SLC25A48: variants seen among roughly 807,000 people sequenced by gnomAD.
The protein encoded by SLC25A48 is solute carrier family 25 member 48.
Under a neutral mutation model 32.2 loss-of-function variants are expected in SLC25A48, and 29 were observed. The ratio of observed to expected loss-of-function variants is 0.90; its 90% CI spans 0.67 to 1.23. The LOEUF is 1.23. Among genes scored for constraint, SLC25A48 ranks in the 50% most tolerant of loss-of-function variants. The pLI is 0.00. For missense variants in SLC25A48, 399 were observed against 422.7 expected (o/e 0.94, Z 0.49); for synonymous variants, 164 against 172.3 (o/e 0.95, Z 0.38).
chr5:135,696,153 A>C (rs921366250), intron 3 of SLC25A48, among the ~76,000 whole-genome samples: 11 of 152,234 alleles, frequency 7.2e-5, no homozygotes, highest in Admixed American at 7.2e-4. Flanking sequence ...AGTATCAAAT[A>C]TCTGGGAATG....
At chr5:135,871,991 T>C in intron 5 of SLC25A48, 1 of 1,331,300 alleles carries the variant, frequency 7.5e-7, no homozygotes, top group Non-Finnish European at 9.7e-7. Flanking sequence ...ATTACTAAGC[T>C]TTGGAAAGGA....
intron 1 of SLC25A48, among the ~76,000 whole-genome samples, chr5:135,840,210 T>C (rs1034821386): frequency 2.0e-5 from 3 of 152,196 alleles, no homozygotes; most frequent in African/African-American, 7.2e-5. Flanking sequence ...TCACTCACAT[T>C]TGAGCATCCT....
At chr5:135,683,268 T>C (rs1246894083) in intron 3 of SLC25A48, among the ~76,000 whole-genome samples, 2 of 152,328 alleles carry the variant, frequency 1.3e-5, no homozygotes, top group East Asian at 3.9e-4. Flanking sequence ...AGGAGAACTC[T>C]AATATATGGA....
At chr5:135,824,489 A>C (rs1439364099) in intron 4 of SLC25A48, 1 of 152,292 alleles carries the variant, frequency 6.6e-6, no homozygotes, top group African/African-American at 2.4e-5. Context: ...TGTCCTCCCA[A>C]CAGCAGGCCA....
intron 1 of SLC25A48, among the ~76,000 whole-genome samples, chr5:135,612,403 T>C (rs1237090480): frequency 3.3e-5 from 5 of 152,222 alleles, no homozygotes; most frequent in Admixed American, 6.5e-5. Context: ...TTTCAAGTTC[T>C]CTTTTCCAGT....
chr5:135,784,139 A>G (rs1756783108), intron 3 of SLC25A48, among the ~76,000 whole-genome samples: 1 of 117,168 alleles, frequency 8.5e-6, no homozygotes, highest in South Asian at 3.0e-4. Flanking sequence ...TATTACTCCC[A>G]ATATCCAGGG....
At chr5:135,652,347 C>G in intron 3 of SLC25A48, 2 of 455,322 alleles carry the variant, frequency 4.4e-6, no homozygotes, top group Non-Finnish European at 8.8e-6. Context: ...TTCTAGAAAT[C>G]GACTTACCTT....
intron 3 of SLC25A48, among the ~76,000 whole-genome samples, chr5:135,668,336 T>C (rs565403513): frequency 5.9e-5 from 9 of 152,146 alleles, no homozygotes; most frequent in Non-Finnish European, 8.8e-5. Context: ...TAACCTTATA[T>C]CCATAAAATA....
intron 6 of SLC25A48, chr5:135,874,562 T>C: frequency 1.7e-6 from 1 of 594,170 alleles, no homozygotes; most frequent in South Asian, 2.0e-5. Flanking sequence ...CTTGCCTCCT[T>C]CCTGTCCTCA....
At chr5:135,600,681 T>A (rs1178533127) in intron 1 of SLC25A48, among the ~76,000 whole-genome samples, 2 of 119,252 alleles carry the variant, frequency 1.7e-5, no homozygotes, top group Non-Finnish European at 3.5e-5. Context: ...TTTTTCTTTT[T>A]TATTTATTTA....
chr5:135,785,644 G>T (rs62364665), intron 3 of SLC25A48, among the ~76,000 whole-genome samples: 21,573 of 150,550 alleles, frequency 0.14, 1,777 homozygotes, highest in South Asian at 0.2. Flanking sequence ...AAAAGAGAGG[G>T]TGATAATGCT....
rs2126898823 is a variant in SLC25A48 at position 135,621,128 on chromosome 5, C to G, written c.-848-8109C>G. ...TGTGACAAACAGGGCTGCATGCTGC[C>G]AAGAGGAAAAGTGCTATAGTTAACT... On this transcript the variant is annotated intron_variant, in intron 1 of 10. Transcript: ENST00000646290. Among the ~76,000 whole-genome samples, 3 of 152,270 alleles carry G rather than the reference C, an allele frequency of 2.0e-5. No homozygotes were observed. In the South Asian group the frequency reaches 6.2e-4, roughly 32 times the overall value.
chr5:135,785,556 G>T (rs746244324), intron 3 of SLC25A48, among the ~76,000 whole-genome samples: 2 of 151,172 alleles, frequency 1.3e-5, no homozygotes, highest in East Asian at 3.9e-4. Context: ...TAATATCCAG[G>T]GGGGGAGAGG....
intron 4 of SLC25A48, among the ~76,000 whole-genome samples, chr5:135,864,946 G>A (rs974313966): frequency 1.4e-4 from 21 of 152,246 alleles, no homozygotes; most frequent in African/African-American, 5.1e-4. Context: ...CCTGCAGTTG[G>A]CAGGTCTGGC....
intron 3 of SLC25A48, among the ~76,000 whole-genome samples, chr5:135,744,911 G>A (rs371359688): frequency 1.4e-4 from 21 of 152,102 alleles, no homozygotes; most frequent in African/African-American, 4.6e-4. Flanking sequence ...GAGAGGTGGC[G>A]GGCATCTGTA....
chr5:135,842,311 C>T, intron 1 of SLC25A48, 105 bp from the exon 2 acceptor site: 3 of 1,189,444 alleles, frequency 2.5e-6, no homozygotes, highest in South Asian at 2.5e-5. Flanking sequence ...CCTACCCCAG[C>T]AATTGACCGT....
At chr5:135,726,988 A>T (rs1755105052) in intron 3 of SLC25A48, among the ~76,000 whole-genome samples, 1 of 152,092 alleles carries the variant, frequency 6.6e-6, no homozygotes, top group East Asian at 1.9e-4. Context: ...TTTCAGTTTT[A>T]GCCTTTCTGA....
chr5:135,846,442 C>T (rs1199160732), intron 2 of SLC25A48, among the ~76,000 whole-genome samples: 1 of 152,210 alleles, frequency 6.6e-6, no homozygotes, highest in Non-Finnish European at 1.5e-5. Flanking sequence ...CAATCTGGGG[C>T]ATGCATCTTG....
At chr5:135,608,283 G>C (rs915227483) in intron 1 of SLC25A48, among the ~76,000 whole-genome samples, 1 of 152,120 alleles carries the variant, frequency 6.6e-6, no homozygotes, top group Non-Finnish European at 1.5e-5. Flanking sequence ...TCCTATAGAG[G>C]ACATGAACTA....
Sources: allele counts gnomAD v4.1 joint callset (sites outside exome capture counted in the v4.1 genomes callset), GRCh38; gene constraint gnomAD v4.1.1; transcripts MANE v1.5; gene names NCBI Gene and HGNC (gene_info 2026-07-23, HGNC 2026-07-21).